Variants in HNRNPUL1 observed in about 807,000 individuals in gnomAD.
HNRNPUL1 encodes the protein heterogeneous nuclear ribonucleoprotein U-like protein 1.
Under a neutral mutation model 108.5 loss-of-function variants are expected in HNRNPUL1, and 14 were observed. The ratio of observed to expected loss-of-function variants is 0.13; its 90% confidence interval spans 0.09 to 0.20. The LOEUF (loss-of-function observed/expected upper bound fraction) is 0.20. HNRNPUL1 is among the 10% of genes least tolerant of loss of function. The pLI is 1.00. For synonymous variants in HNRNPUL1, 422 were observed against 445.2 expected (o/e 0.95, Z 0.66); for missense variants, 804 against 1,168.3 (o/e 0.69, Z 4.55).
At chr19:41,270,477 A>T (rs1486623154) in intron 2 of HNRNPUL1, among the ~76,000 whole-genome samples, 1 of 149,650 alleles carries the variant, frequency 6.7e-6, no homozygotes, top group Non-Finnish European at 1.5e-5. Flanking sequence ...TATTTTTTTT[A>T]ATAAAAAAAT....
chr19:41,264,734 G>A lies in HNRNPUL1; in HGVS notation c.231G>A (p.Gln77=), dbSNP rs768405593. ...GCTCCGAGCTGGAGGGGACCGCGCA[G>A]CCACCGCCGCCCGGGCTGCAGCCGC... ...EGGSELEGTA[Q]PPPPGLQPHA... Residue 77 remains glutamine, a synonymous_variant, in exon 1 of 15, where the codon CAG becomes CAA. Transcript: ENST00000392006. 2 of 1,413,136 alleles carry A rather than the reference G, an allele frequency of 1.4e-6. No homozygotes were observed. Among genetic ancestry groups the A allele is most frequent in the Non-Finnish European group, 1.8e-6 (2 of 1,086,716 alleles). The allele number at this position is 1,413,136 out of a possible 1,614,324, so 87.5% of individuals were successfully genotyped here. A position where few individuals can be genotyped will look rare whatever the true frequency, so the allele number is the denominator to read the frequency against.
chr19:41,277,422 A>C (rs2035632109), intron 5 of HNRNPUL1, among the ~76,000 whole-genome samples: 1 of 152,248 alleles, frequency 6.6e-6, no homozygotes, highest in Non-Finnish European at 1.5e-5. Context: ...GACACCATTG[A>C]TGTAAGTTGT....
chr19:41,285,048 G>GAAGTCATT, intron 7 of HNRNPUL1, among the ~76,000 whole-genome samples: 1 of 150,498 alleles, frequency 6.6e-6, no homozygotes, highest in African/African-American at 2.4e-5. Flanking sequence ...AAGAAAAAGT[G>GAAGTCATT]AAGTCATTAT....
intron 7 of HNRNPUL1, among the ~76,000 whole-genome samples, chr19:41,282,729 G>A (rs1403884109): frequency 7.2e-6 from 1 of 138,048 alleles, no homozygotes; most frequent in Admixed American, 7.6e-5. Flanking sequence ...TCGCTCTGTC[G>A]CCCAGGCTGG....
intron 3 of HNRNPUL1, chr19:41,272,460 ATC>A: frequency 2.2e-6 from 1 of 458,550 alleles, no homozygotes; most frequent in Non-Finnish European, 3.9e-6. Flanking sequence ...ACTTCTAAAT[ATC>A]TTAGACTTTC....
Position 41,292,088 on chromosome 19 carries a change from C to T in HNRNPUL1, c.1000-157C>T, listed in dbSNP as rs954393936. The stretch of plus-strand genomic sequence containing the variant: ...TGGGCTGGACATTCTCTGAGATGTT[C>T]ACTGATGCTGCCCAGCTTACCTGTA... On this transcript the variant is annotated intron_variant, in intron 7 of 14. Coordinates refer to ENST00000392006, the MANE Select transcript of HNRNPUL1 (RefSeq NM_007040.6). This position sits in a 1 kb window ranked among gnomAD's most constrained non-coding sequence, Gnocchi z 4.1. Among the ~76,000 whole-genome samples, 1 of 151,780 alleles carries T rather than the reference C, an allele frequency of 6.6e-6. No individual in the cohort carries two copies. The highest frequency in any genetic ancestry group is 6.6e-5 in the Admixed American group (1 of 15,220).
chr19:41,305,796 GCCCCCTATA>G lies in HNRNPUL1; in HGVS notation c.2388_2396del (p.Tyr797_Pro799del). The G allele has an allele frequency of 6.2e-7, 1 of 1,611,458 alleles. No homozygotes were observed. ...TGGGAGCTACGGCGGTTACAACCCG[GCCCCCTATA>G]CCCCACCGCCACCCCCCACTGCACA... On this transcript the variant is annotated inframe_deletion, in exon 14 of 15. Coordinates refer to ENST00000392006, the MANE Select transcript of HNRNPUL1 (RefSeq NM_007040.6).
chr19:41,264,862 C>T, intron 1 of HNRNPUL1, 64 bp downstream of exon 1: 1 of 1,344,128 alleles, frequency 7.4e-7, no homozygotes, highest in Non-Finnish European at 9.5e-7. Flanking sequence ...GGCTGTGGGA[C>T]GCGGGAGTCC....
chr19:41,302,860 G>T lies in HNRNPUL1; in HGVS notation c.1883G>T (p.Arg628Leu), dbSNP rs1038497639. ...CGCGGGGGTGGTGGTGGCTTCCAGC[G>T]CTATGAAAACCGAGGACCCCCTGGA... ...RGRGGGGGFQ[R>L]YENRGPPGGN... Residue 628 changes from arginine (R) to leucine (L), a missense_variant, in exon 12 of 15, where the codon CGC becomes CTC. Physicochemically the swap from Arg to Leu is moderately radical, Grantham distance 102. Coordinates refer to ENST00000392006, the MANE Select transcript of HNRNPUL1 (RefSeq NM_007040.6). The T allele has an allele frequency of 3.2e-6, 5 of 1,576,392 alleles. No individual in the cohort carries two copies. The East Asian group carries it at 1.1e-4, about 35-fold the overall frequency.
At chr19:41,273,405 G>C (rs187371274) in intron 3 of HNRNPUL1, among the ~76,000 whole-genome samples, 2 of 151,970 alleles carry the variant, frequency 1.3e-5, no homozygotes, top group African/African-American at 2.4e-5. Context: ...CTTCTTCCTC[G>C]TTCCTGTACA....
In HNRNPUL1 at chr19:41,306,591, G is replaced by T; in HGVS notation, c.*26G>T. 7.1e-7 allele frequency: 1 copy of T among 1,399,210 alleles called. No homozygotes were observed. Among genetic ancestry groups the T allele is most frequent in the Non-Finnish European group, 9.5e-7 (1 of 1,047,412 alleles). 86.7% of individuals were successfully genotyped at this position (1,399,210 alleles called of 1,614,324 possible). On this transcript the variant is annotated 3_prime_UTR_variant, in exon 15 of 15. Coordinates refer to ENST00000392006, the MANE Select transcript of HNRNPUL1 (RefSeq NM_007040.6). ...CCAGTGTGACCCAGAGGCTCCCGGA[G>T]GCCCCTGCCGGCTTCCTCCACCAGC... is the stretch of plus-strand genomic sequence containing the variant.
intron 7 of HNRNPUL1, among the ~76,000 whole-genome samples, chr19:41,281,907 G>C (rs1466016896): frequency 6.6e-6 from 1 of 152,194 alleles, no homozygotes; most frequent in Admixed American, 6.5e-5. Context: ...TTGTTTTTCA[G>C]TTCCCTCTAA....
intron 3 of HNRNPUL1, among the ~76,000 whole-genome samples, chr19:41,272,908 C>G (rs1285980674): frequency 1.3e-5 from 2 of 152,214 alleles, no homozygotes; most frequent in Admixed American, 6.5e-5. Context: ...CTGTCTGAAG[C>G]CTTTTGCAAT....
At chr19:41,303,057 G>A in intron 12 of HNRNPUL1, 108 bp downstream of exon 12, 3 of 1,240,926 alleles carry the variant, frequency 2.4e-6, no homozygotes, top group Non-Finnish European at 3.3e-6. Flanking sequence ...CCAGCTGTGA[G>A]TTATACTCTG....
rs2036613365 is a variant in HNRNPUL1, at chr19:41,292,036, C to T, written c.1000-209C>T. ...TGCTTACTTGCTTCATATCCACCAACTTTGGGGTCTTAGGCAAGGAGGACT... is the reference window on the plus strand; with the variant it reads ...TGCTTACTTGCTTCATATCCACCAATTTTGGGGTCTTAGGCAAGGAGGACT... On this transcript the variant is annotated intron_variant, in intron 7 of 14. Coordinates refer to ENST00000392006, the MANE Select transcript of HNRNPUL1 (RefSeq NM_007040.6). This position sits in a 1 kb window ranked among gnomAD's most constrained non-coding sequence, Gnocchi z 4.1. 6.7e-6 allele frequency among the ~76,000 whole-genome samples: 1 copy of T among 149,060 alleles called. No homozygotes were observed. Among genetic ancestry groups the T allele is most frequent in the Non-Finnish European group, 1.5e-5 (1 of 67,346 alleles).
chr19:41,295,243 C>G lies in HNRNPUL1; in HGVS notation c.1518+557C>G, dbSNP rs186414673. ...TCTCTTCACAAATACGTATGACTGG[C>G]AGGTACATACCTAAGTCATATTTTC... On this transcript the variant is annotated intron_variant, in intron 10 of 14. Coordinates refer to ENST00000392006, the MANE Select transcript of HNRNPUL1 (RefSeq NM_007040.6). 5.9e-5 allele frequency among the ~76,000 whole-genome samples: 9 copies of G among 152,318 alleles called. No homozygotes were observed. The East Asian group carries it at 1.7e-3, about 29-fold the overall frequency.
intron 3 of HNRNPUL1, 169 bp downstream of exon 3, chr19:41,272,404 A>C: frequency 1.5e-6 from 1 of 685,736 alleles, no homozygotes; most frequent in Non-Finnish European, 2.4e-6. Flanking sequence ...AGCTTTCCTA[A>C]ACTTTTGGTC....
At chr19:41,288,880 A>C (rs998231562) in intron 7 of HNRNPUL1, among the ~76,000 whole-genome samples, 6 of 152,104 alleles carry the variant, frequency 3.9e-5, no homozygotes, top group East Asian at 1.9e-4. Context: ...TGTGCAATTT[A>C]GCCACTCCTA....
At chr19:41,278,299 G>A (rs886344120) in intron 5 of HNRNPUL1, 1 of 151,714 alleles carries the variant, frequency 6.6e-6, no homozygotes, top group African/African-American at 2.4e-5. Flanking sequence ...GACCTCAGGT[G>A]ATCCACCCAC....
Sources: gnomAD v4.1 joint callset for allele counts (sites outside exome capture counted in the v4.1 genomes callset) on GRCh38, gnomAD v4.1.1 for gene constraint, Gnocchi (gnomAD v3.1) non-coding constraint, MANE v1.5 for transcripts, NCBI Gene and HGNC (gene_info 2026-07-23, HGNC 2026-07-21) for gene names.